The following MOB1B variants were observed in gnomAD, a reference collection of about 807,000 sequenced individuals.
The protein encoded by MOB1B is MOB1 Mps One Binder homolog B.
A neutral mutation model predicts 24.4 loss-of-function variants in MOB1B; 19 were observed. The ratio of observed to expected loss-of-function variants is 0.78; its 90% confidence interval spans 0.54 to 1.14. MOB1B has a LOEUF of 1.14. MOB1B is among the 50% of genes most tolerant of loss of function. The pLI, the probability that MOB1B is intolerant of heterozygous loss-of-function variation, is 0.00. For synonymous variants in MOB1B, 76 were observed against 82.1 expected (o/e 0.93, Z 0.40); for missense variants, 243 against 259.6 (o/e 0.94, Z 0.44).
intron 1 of MOB1B, among the ~76,000 whole-genome samples, chr4:70,933,542 CTTTTTTTTTTTTTTT>C (rs34950388): frequency 3.3e-5 from 3 of 91,616 alleles, no homozygotes; most frequent in Non-Finnish European, 4.5e-5. Context: ...AAAAATAACT[CTTTTTTTTTTTTTTT>C]TTTTTTTTTT....
chr4:70,937,205 A>G (rs1387665256), intron 1 of MOB1B, among the ~76,000 whole-genome samples: 1 of 152,034 alleles, frequency 6.6e-6, no homozygotes, highest in East Asian at 1.9e-4. Context: ...GGCGTGAGCC[A>G]CCTTGCCCGT....
intron 1 of MOB1B, among the ~76,000 whole-genome samples, chr4:70,938,447 C>CT (rs1451476913): frequency 1.3e-5 from 2 of 150,084 alleles, no homozygotes; most frequent in Non-Finnish European, 2.9e-5. Context: ...TTCAGATTCA[C>CT]TTTATCTCCA....
chr4:70,971,686 T>C (rs373255864), intron 3 of MOB1B, among the ~76,000 whole-genome samples: 1 of 152,138 alleles, frequency 6.6e-6, no homozygotes, highest in East Asian at 1.9e-4. Flanking sequence ...GGTGTTCACT[T>C]TGGTTAAGCT....
rs185180985 is a variant in MOB1B, at chr4:70,928,997, C to T, written c.14+26447C>T. ...CAATGTGCCCTGTAAATTGTGTTCC[C>T]TCTACCAGGGAATGAGAGTGCTCAT... On this transcript the variant is annotated intron_variant, in intron 1 of 5. Transcript: ENST00000309395. Among the ~76,000 whole-genome samples the T allele has an allele frequency of 3.2e-3, 484 of 152,196 alleles. 2 individuals carry two copies. Among genetic ancestry groups the T allele is most frequent in the African/African-American group, 0.011 (472 of 41,518 alleles).
At chr4:70,959,140 C>G in intron 2 of MOB1B, 100 bp downstream of exon 2, 1 of 887,170 alleles carries the variant, frequency 1.1e-6, no homozygotes, top group Non-Finnish European at 1.7e-6. Flanking sequence ...AGTTAGTAAG[C>G]TAATATCATA....
At chr4:70,917,659 A>G (rs777713921) in intron 1 of MOB1B, among the ~76,000 whole-genome samples, 20 of 152,170 alleles carry the variant, frequency 1.3e-4, no homozygotes, top group Non-Finnish European at 1.5e-4. Flanking sequence ...GTAAAAATAC[A>G]CTGTAGTATA....
intron 3 of MOB1B, 98 bp from the exon 4 acceptor site, chr4:70,975,055 A>G: frequency 1.1e-6 from 1 of 887,566 alleles, no homozygotes; most frequent in Non-Finnish European, 1.6e-6. Context: ...TGTTGAAAAC[A>G]TGTCTGTGTG....
intron 1 of MOB1B, among the ~76,000 whole-genome samples, chr4:70,908,001 C>G (rs1735815991): frequency 6.6e-6 from 1 of 151,616 alleles, no homozygotes; most frequent in East Asian, 1.9e-4. Flanking sequence ...ATGTGAATGA[C>G]TAAACCATGT....
intron 2 of MOB1B, among the ~76,000 whole-genome samples, chr4:70,964,183 T>G (rs1246295224): frequency 6.6e-6 from 1 of 152,216 alleles, no homozygotes; most frequent in Non-Finnish European, 1.5e-5. Flanking sequence ...TGGGAGATTT[T>G]AACATTCCTC....
intron 1 of MOB1B, among the ~76,000 whole-genome samples, chr4:70,925,453 A>G (rs991825925): frequency 6.6e-6 from 1 of 152,220 alleles, no homozygotes; most frequent in Non-Finnish European, 1.5e-5. Flanking sequence ...AACATTAAGG[A>G]AGAAAAATAC....
At position 70,902,405 on chromosome 4, in the gene MOB1B, G is replaced by C. The variant is rs546138735; in HGVS notation, c.-132G>C. The C allele has an allele frequency of 2.1e-4, 202 of 965,170 alleles. No homozygotes were observed. The East Asian group carries it at 3.8e-3, about 18-fold the overall frequency. 59.8% of individuals were successfully genotyped at this position (965,170 alleles called of 1,614,324 possible). On this transcript the variant is annotated 5_prime_UTR_variant, in exon 1 of 6. Coordinates refer to ENST00000309395, the MANE Select transcript of MOB1B (RefSeq NM_173468.4). ...CTGAGCCGAACTAGTTGCGGCCACC[G>C]AGCAGCCGGCTCTCGGCACCTCCTC...
chr4:70,915,875 A>T (rs1385279093), intron 1 of MOB1B, among the ~76,000 whole-genome samples: 3 of 151,866 alleles, frequency 2.0e-5, no homozygotes, highest in African/African-American at 7.3e-5. Context: ...CTTCACCTGG[A>T]ACTGGCTGGA....
chr4:70,972,331 CAACCTCT>C (rs927632752), intron 3 of MOB1B, among the ~76,000 whole-genome samples: 1 of 152,036 alleles, frequency 6.6e-6, no homozygotes, highest in African/African-American at 2.4e-5. Flanking sequence ...TTCCCTGCCT[CAACCTCT>C]TGAGTAGCTG....
intron 2 of MOB1B, among the ~76,000 whole-genome samples, chr4:70,965,783 C>G (rs1422969748): frequency 8.9e-6 from 1 of 112,800 alleles, no homozygotes; most frequent in Non-Finnish European, 1.6e-5. Context: ...GGCGACAGAG[C>G]GAGACTCCGT....
Position 70,969,987 on chromosome 4 carries a change from A to G in MOB1B, c.238A>G (p.Thr80Ala). The G allele has an allele frequency of 6.2e-7, 1 of 1,606,874 alleles. No individual in the cohort carries two copies. The change falls in exon 3 of 6, where the codon ACA becomes GCA. Residue 80 changes from threonine (T) to alanine (A), a missense_variant. By Grantham distance (58) the Thr-to-Ala change is moderately conservative (BLOSUM62 0). Transcript: ENST00000309395. ...MLYGTITDFCTEESCPVMSAG... is the reference protein window; with the variant it reads ...MLYGTITDFCAEESCPVMSAG... ...TTATGGAACTATCACAGACTTCTGTACAGAAGAGAGTTGTCCAGTGATGTC... is the reference window on the plus strand; with the variant it reads ...TTATGGAACTATCACAGACTTCTGTGCAGAAGAGAGTTGTCCAGTGATGTC...
chr4:70,933,058 T>C (rs28649519), intron 1 of MOB1B, among the ~76,000 whole-genome samples: 3,092 of 152,124 alleles, frequency 0.02, 90 homozygotes, highest in African/African-American at 0.069. Flanking sequence ...ACAGGCTGTG[T>C]AGGAGGCATG....
chr4:70,975,905 T>C (rs2148902830), intron 4 of MOB1B: 15 of 787,266 alleles, frequency 1.9e-5, no homozygotes, highest in Non-Finnish European at 2.3e-5. Flanking sequence ...ATCTAAATTT[T>C]TCATTTTTTG....
chr4:70,966,457 C>A (rs1738534211), intron 2 of MOB1B, among the ~76,000 whole-genome samples: 2 of 151,904 alleles, frequency 1.3e-5, no homozygotes, highest in African/African-American at 4.8e-5. Flanking sequence ...TCACCACAAC[C>A]TTTGCCTCCC....
At chr4:70,925,260 C>T (rs1018785633) in intron 1 of MOB1B, among the ~76,000 whole-genome samples, 5 of 152,186 alleles carry the variant, frequency 3.3e-5, no homozygotes, top group Non-Finnish European at 7.4e-5. Flanking sequence ...TGGTCTTGAA[C>T]GCCTGACCTC....
Sources: allele counts gnomAD v4.1 joint callset (sites outside exome capture counted in the v4.1 genomes callset), GRCh38; gene constraint gnomAD v4.1.1; transcripts MANE v1.5; gene names NCBI Gene and HGNC (gene_info 2026-07-23, HGNC 2026-07-21).